The following CNGB3 variants were observed in gnomAD, a reference collection of about 807,000 sequenced individuals.
CNGB3 encodes cyclic nucleotide gated channel subunit beta 3, also known as cyclic nucleotide-gated channel beta-3.
A neutral mutation model predicts 92.8 loss-of-function variants in CNGB3; 86 were observed. The ratio of observed to expected loss-of-function variants is 0.93; its 90% CI spans 0.78 to 1.11. The LOEUF is 1.11. Ranked by LOEUF, CNGB3 falls within the 50% of genes least tolerant of loss-of-function variation. The pLI, the probability that CNGB3 is intolerant of heterozygous loss-of-function variation, is 0.00. For missense variants in CNGB3, 1,026 were observed against 956.8 expected (o/e 1.07, Z -0.95); for synonymous variants, 333 against 332.7 (o/e 1.00, Z -0.01).
chr8:86,623,172 C>T (rs1047165038), intron 13 of CNGB3, among the ~76,000 whole-genome samples: 3 of 152,088 alleles, frequency 2.0e-5, no homozygotes, highest in Non-Finnish European at 4.4e-5. Context: ...TTGAAATACA[C>T]CAATATGCTG....
chr8:86,603,414 CT>C (rs1563723325), intron 15 of CNGB3, among the ~76,000 whole-genome samples: 1 of 152,080 alleles, frequency 6.6e-6, no homozygotes, highest in African/African-American at 2.4e-5. Flanking sequence ...TCACAAAATG[CT>C]TAAATTTGCT....
Position 86,743,497 on chromosome 8 carries a change from AC to A in CNGB3, c.129+1del. 3 of 1,613,960 alleles carry A rather than the reference AC, an allele frequency of 1.9e-6. No homozygotes were observed. The highest frequency in any genetic ancestry group is 2.5e-6 in the Non-Finnish European group (3 of 1,179,842). ...GCTTGCATAGGAATGTAGAGGACATACCTGTGCTGTGGTTTGCTGAGACTGA... is the reference window on the plus strand; with the variant it reads ...GCTTGCATAGGAATGTAGAGGACATACTGTGCTGTGGTTTGCTGAGACTGA... On this transcript the variant is annotated splice_donor_variant, in intron 1 of 17. Coordinates refer to ENST00000320005, the MANE Select transcript of CNGB3 (RefSeq NM_019098.5). LOFTEE classifies it high-confidence loss of function.
intron 3 of CNGB3, among the ~76,000 whole-genome samples, chr8:86,717,604 G>C (rs1824883061): frequency 6.7e-6 from 1 of 149,008 alleles, no homozygotes; most frequent in African/African-American, 2.5e-5. Flanking sequence ...ATACTCTACT[G>C]ACAGAACTAG....
intron 6 of CNGB3, among the ~76,000 whole-genome samples, chr8:86,656,482 T>C (rs201909507): frequency 6.6e-6 from 1 of 152,220 alleles, no homozygotes; most frequent in Non-Finnish European, 1.5e-5. Context: ...TCATTAGCCT[T>C]ATGAGGATCA....
chr8:86,724,809 G>T (rs1470216624), intron 3 of CNGB3, among the ~76,000 whole-genome samples: 1 of 152,036 alleles, frequency 6.6e-6, no homozygotes, highest in Admixed American at 6.6e-5. Flanking sequence ...AGAGGAAGTA[G>T]TATGTGCAAA....
chr8:86,738,706 G>T (rs1825287606), intron 2 of CNGB3, among the ~76,000 whole-genome samples: 1 of 152,150 alleles, frequency 6.6e-6, no homozygotes, highest in South Asian at 2.1e-4. Context: ...AGGCTTGGTG[G>T]TGTGCACCTG....
Position 86,623,642 on chromosome 8 carries a change from A to T in CNGB3, c.1578+2341T>A, listed in dbSNP as rs150953969. Among the ~76,000 whole-genome samples the T allele has an allele frequency of 2.3e-3, 353 of 152,328 alleles. 3 individuals carry two copies. Among genetic ancestry groups the T allele is most frequent in the African/African-American group, 8.0e-3 (333 of 41,578 alleles). ...CCACATGTCTTCATGCTGTTGCATT[A>T]GGGATTGAGTTTCCACATGATTTTT... On this transcript the variant is annotated intron_variant, in intron 13 of 17. Coordinates refer to ENST00000320005, the MANE Select transcript of CNGB3 (RefSeq NM_019098.5).
chr8:86,607,422 C>T (rs62528583), intron 14 of CNGB3, among the ~76,000 whole-genome samples: 1 of 152,002 alleles, frequency 6.6e-6, no homozygotes, highest in Non-Finnish European at 1.5e-5. Flanking sequence ...CTGGAGATAG[C>T]GCCCTTCAAA....
chr8:86,708,563 A>ATTTTTT (rs10714055), intron 3 of CNGB3, among the ~76,000 whole-genome samples: 3 of 85,934 alleles, frequency 3.5e-5, no homozygotes, highest in Non-Finnish European at 6.7e-5. Context: ...TCTTTTCTTA[A>ATTTTTT]TTTTTTTTTT....
chr8:86,620,397 C>T (rs1822701259), intron 13 of CNGB3, among the ~76,000 whole-genome samples: 1 of 152,116 alleles, frequency 6.6e-6, no homozygotes, highest in Admixed American at 6.6e-5. Flanking sequence ...CAGATGGCTA[C>T]CTTCTCACTG....
intron 3 of CNGB3, among the ~76,000 whole-genome samples, chr8:86,690,152 T>G (rs112230316): frequency 0.062 from 9,369 of 152,256 alleles, 959 homozygotes; most frequent in African/African-American, 0.21. Flanking sequence ...ACTTCCACAA[T>G]GGTTGAACTA....
intron 6 of CNGB3, chr8:86,658,687 C>T (rs1823569124): frequency 7.8e-6 from 3 of 386,834 alleles, no homozygotes; most frequent in East Asian, 6.1e-5. Context: ...CCCAGCTTCT[C>T]GCTCGGCTCT....
chr8:86,593,756 A>G, intron 15 of CNGB3: 2 of 1,271,862 alleles, frequency 1.6e-6, no homozygotes, highest in Non-Finnish European at 2.2e-6. Context: ...TCACCAGCTC[A>G]GGATGCCAGG....
At chr8:86,603,095 T>C (rs1189285060) in intron 15 of CNGB3, among the ~76,000 whole-genome samples, 2 of 152,200 alleles carry the variant, frequency 1.3e-5, no homozygotes, top group African/African-American at 4.8e-5. Context: ...GGTCAAATAT[T>C]ATCTCCCTAG....
chr8:86,616,116 C>A (rs1437972418), intron 13 of CNGB3, among the ~76,000 whole-genome samples: 1 of 152,160 alleles, frequency 6.6e-6, no homozygotes, highest in Non-Finnish European at 1.5e-5. Flanking sequence ...TACACACAAG[C>A]ACTTACATCG....
chr8:86,610,523 T>C (rs1476870157), intron 14 of CNGB3, among the ~76,000 whole-genome samples: 3 of 151,950 alleles, frequency 2.0e-5, no homozygotes, highest in African/African-American at 7.3e-5. Context: ...TAGGAAATCT[T>C]ACCGTAACCA....
intron 15 of CNGB3, among the ~76,000 whole-genome samples, chr8:86,602,233 G>A (rs1047888640): frequency 6.6e-6 from 1 of 152,166 alleles, no homozygotes; most frequent in African/African-American, 2.4e-5. Flanking sequence ...GGTCTCGTAT[G>A]TTCTGAGAAG....
chr8:86,633,130 C>T (rs1822994845), intron 10 of CNGB3, among the ~76,000 whole-genome samples: 3 of 152,134 alleles, frequency 2.0e-5, no homozygotes, highest in Non-Finnish European at 4.4e-5. Flanking sequence ...ATTTGGTAGT[C>T]TAAATAACCA....
rs748322164 is a variant in CNGB3 at position 86,629,122 on chromosome 8, G to T, written c.1321-44C>A. ...TCACTCCACGCCCAGCAGAGGAAAT[G>T]AGTTAATAAAAGTCAAATTACATGT... On this transcript the variant is annotated intron_variant, in intron 11 of 17. Transcript: ENST00000320005. 5 of 1,608,696 alleles carry T rather than the reference G, an allele frequency of 3.1e-6. No individual in the cohort carries two copies. In the South Asian group the frequency reaches 4.4e-5, roughly 14 times the overall value.
Sources: gnomAD v4.1 joint callset for allele counts (sites outside exome capture counted in the v4.1 genomes callset) on GRCh38, gnomAD v4.1.1 for gene constraint, MANE v1.5 for transcripts, NCBI Gene and HGNC (gene_info 2026-07-23, HGNC 2026-07-21) for gene names.